MAP4K4: variants seen among roughly 807,000 people sequenced by gnomAD.
MAP4K4 encodes mitogen-activated protein kinase kinase kinase kinase 4, also known as HPK/GCK-like kinase HGK.
A neutral mutation model predicts 189.6 loss-of-function variants in MAP4K4; 38 were observed. The ratio of observed to expected loss-of-function variants is 0.20; its 90% confidence interval spans 0.15 to 0.26. MAP4K4 has a LOEUF of 0.26. Ranked by LOEUF, MAP4K4 falls within the 10% of genes least tolerant of loss-of-function variation. The pLI is 1.00. For missense variants in MAP4K4, 1,054 were observed against 1,726.9 expected, an observed-to-expected ratio of 0.61 and a Z score of 6.91; for synonymous variants, 610 against 624.3, an observed-to-expected ratio of 0.98 and a Z score of 0.34.
intron 13 of MAP4K4, among the ~76,000 whole-genome samples, chr2:101,857,706 C>T (rs1371283677): frequency 6.6e-6 from 1 of 152,056 alleles, no homozygotes; most frequent in Non-Finnish European, 1.5e-5. Flanking sequence ...CTAAGTCCGC[C>T]CCACCCCTCT....
exon 7 of MAP4K4, chr2:101,831,777 A>T: frequency 6.2e-7 from 1 of 1,609,778 alleles, no homozygotes; most frequent in Non-Finnish European, 8.5e-7. Flanking sequence ...AAATACGTTC[A>T]TAGGCACTCC....
chr2:101,727,470 T>A (rs1428608819), intron 2 of MAP4K4, among the ~76,000 whole-genome samples: 1 of 152,174 alleles, frequency 6.6e-6, no homozygotes, highest in Non-Finnish European at 1.5e-5. Context: ...ATTGCAGAAC[T>A]CCCTAAAGAT....
chr2:101,720,319 G>A (rs538564344), intron 2 of MAP4K4, among the ~76,000 whole-genome samples: 165 of 151,406 alleles, frequency 1.1e-3, no homozygotes, highest in Non-Finnish European at 2.1e-3. Context: ...GATTACAGGC[G>A]CCCGCCGCCA....
chr2:101,854,395 G>A (rs1259226315), intron 12 of MAP4K4, among the ~76,000 whole-genome samples: 1 of 152,182 alleles, frequency 6.6e-6, no homozygotes, highest in Non-Finnish European at 1.5e-5. Context: ...AAGCTGATGA[G>A]TTTTGTGTAT....
chr2:101,852,998 C>G (rs1484549008), intron 12 of MAP4K4, among the ~76,000 whole-genome samples: 1 of 152,192 alleles, frequency 6.6e-6, no homozygotes, highest in East Asian at 1.9e-4. Flanking sequence ...CTTTTTCATG[C>G]ACCCTTTCCT....
At chr2:101,823,513 A>G (rs925733419) in intron 3 of MAP4K4, among the ~76,000 whole-genome samples, 1 of 152,186 alleles carries the variant, frequency 6.6e-6, no homozygotes, top group African/African-American at 2.4e-5. Flanking sequence ...AATGGACCAG[A>G]TGATCTGTAT....
intron 2 of MAP4K4, among the ~76,000 whole-genome samples, chr2:101,773,304 A>C (rs2082357794): frequency 6.6e-6 from 1 of 152,246 alleles, no homozygotes; most frequent in Admixed American, 6.5e-5. Context: ...GACAATGCCA[A>C]CAAAGCAAAA....
At chr2:101,865,275 C>G (rs992005534) in intron 18 of MAP4K4, among the ~76,000 whole-genome samples, 33 of 152,282 alleles carry the variant, frequency 2.2e-4, no homozygotes, top group Middle Eastern at 3.4e-3. Flanking sequence ...AACTACTTTT[C>G]TCTGTAAGAG....
chr2:101,862,843 A>T (rs2097706826), intron 16 of MAP4K4, among the ~76,000 whole-genome samples: 1 of 152,266 alleles, frequency 6.6e-6, no homozygotes, highest in South Asian at 2.1e-4. Flanking sequence ...TAGAAATCAT[A>T]CAATAGAACT....
At chr2:101,840,070 C>G in intron 10 of MAP4K4, 76 bp downstream of exon 10, 1 of 1,406,742 alleles carries the variant, frequency 7.1e-7, no homozygotes, top group Non-Finnish European at 9.6e-7. Flanking sequence ...AGGTCCCTCC[C>G]TTCCCAGCTG....
chr2:101,780,610 T>C (rs13406067), intron 2 of MAP4K4, among the ~76,000 whole-genome samples: 4,748 of 152,326 alleles, frequency 0.031, 256 homozygotes, highest in African/African-American at 0.11. Flanking sequence ...GACTCTTGGG[T>C]TCCAGTGCTA....
chr2:101,747,181 C>T (rs1301987128), intron 2 of MAP4K4, among the ~76,000 whole-genome samples: 6 of 152,034 alleles, frequency 3.9e-5, no homozygotes, highest in African/African-American at 1.2e-4. Context: ...TGCAGTGGTG[C>T]GATTTTGGCT....
At position 101,868,080 on chromosome 2, in the gene MAP4K4, C is replaced by A. The variant is rs746487703; in HGVS notation, c.2463+43C>A. ...AAAGTTCCACTTCAGAGCAGCACTC[C>A]GACCGCCTGTCAGCTCAGCTTGTAT... On this transcript the variant is annotated intron_variant, in intron 21 of 32. Transcript: ENST00000324219. 4 of 1,603,978 alleles carry A rather than the reference C, an allele frequency of 2.5e-6. No individual in the cohort carries two copies. In the South Asian group the frequency reaches 4.5e-5, roughly 18 times the overall value.
At chr2:101,860,328 G>A in intron 15 of MAP4K4, 1 of 210,874 alleles carries the variant, frequency 4.7e-6, no homozygotes, top group Non-Finnish European at 9.8e-6. Context: ...GCTCGGGGGT[G>A]CAAGATGGGC....
chr2:101,794,481 G>A lies in MAP4K4; in HGVS notation c.180+3705G>A, dbSNP rs62156897. Among the ~76,000 whole-genome samples, 889 of 152,256 alleles carry A rather than the reference G, an allele frequency of 5.8e-3. 5 individuals carry two copies. Among genetic ancestry groups the A allele is most frequent in the Non-Finnish European group, 9.6e-3 (655 of 68,028 alleles). On this transcript the variant is annotated intron_variant, in intron 3 of 32. Transcript: ENST00000324219. ...TGAAAAAGTTCATACATCCACAGCTGTTGAAAGAATGAACACTCTCGGCTG... is the reference window on the plus strand; with the variant it reads ...TGAAAAAGTTCATACATCCACAGCTATTGAAAGAATGAACACTCTCGGCTG...
Position 101,870,373 on chromosome 2 carries a change from G to A in MAP4K4, c.2718G>A (p.Pro906=), listed in dbSNP as rs530998892. 1.1e-5 allele frequency: 18 copies of A among 1,613,584 alleles called. No individual in the cohort carries two copies. In the South Asian group the frequency reaches 1.2e-4, roughly 11 times the overall value. ...TCCATGATGATGTAGAAAGTGAGCC[G>A]GCCATGACCCCATCCAAGGAGGGCA... Residue 906 remains proline (P), a synonymous_variant, in exon 23 of 33, where the codon CCG becomes CCA. Coordinates refer to ENST00000324219, the Ensembl canonical transcript of MAP4K4.
At chr2:101,857,586 G>T (rs928117776) in intron 13 of MAP4K4, among the ~76,000 whole-genome samples, 3 of 152,176 alleles carry the variant, frequency 2.0e-5, no homozygotes, top group African/African-American at 7.2e-5. Context: ...AAGGCCACAA[G>T]CCTTGCTAGG....
chr2:101,801,180 C>G (rs577454227), intron 3 of MAP4K4, among the ~76,000 whole-genome samples: 1 of 152,214 alleles, frequency 6.6e-6, no homozygotes, highest in African/African-American at 2.4e-5. Flanking sequence ...CTTGACACTT[C>G]CCATTCTTGC....
chr2:101,882,525 T>C, intron 27 of MAP4K4, 26 bp from the exon 28 acceptor site: 1 of 1,540,514 alleles, frequency 6.5e-7, no homozygotes. Context: ...GATATGCATG[T>C]AAAATATTTA....
Sources: allele counts gnomAD v4.1 joint callset (sites outside exome capture counted in the v4.1 genomes callset), GRCh38; gene constraint gnomAD v4.1.1; transcripts MANE v1.5; gene names NCBI Gene and HGNC (gene_info 2026-07-23, HGNC 2026-07-21).